Variants in ZNF536 observed in about 807,000 individuals in gnomAD.
ZNF536 encodes the protein zinc finger protein 536.
Under a neutral mutation model 84.5 loss-of-function variants are expected in ZNF536, and 13 were observed. The observed-to-expected ratio is 0.15, with a 90% CI of 0.10 to 0.24. The LOEUF (loss-of-function observed/expected upper bound fraction) is 0.24. Ranked by LOEUF, ZNF536 falls within the 10% of genes least tolerant of loss-of-function variation. The pLI is 1.00. For synonymous variants in ZNF536, 811 were observed against 742.5 expected (o/e 1.09, Z -1.50); for missense variants, 1,536 against 1,747.5 (o/e 0.88, Z 2.16).
At chr19:30,489,856 T>C (rs1425504106) in intron 2 of ZNF536, among the ~76,000 whole-genome samples, 2 of 152,226 alleles carry the variant, frequency 1.3e-5, no homozygotes, top group South Asian at 2.1e-4. Context: ...CTTTGCTGAA[T>C]AGAATGTGAA....
chr19:30,712,404 T>C lies in ZNF536; in HGVS notation c.*1403T>C, dbSNP rs1167045214. On this transcript the variant is annotated 3_prime_UTR_variant, in exon 2 of 2. Transcript: ENST00000592773. ...AGAGAAGTATGAAAGTATTAACTTCTTCTAAAACAAAATCATTCAGACTTA... is the reference window on the plus strand; with the variant it reads ...AGAGAAGTATGAAAGTATTAACTTCCTCTAAAACAAAATCATTCAGACTTA... The C allele has an allele frequency of 2.0e-5, 3 of 151,546 alleles. No individual in the cohort carries two copies. In the East Asian group the frequency reaches 5.8e-4, roughly 29 times the overall value. 9.4% of individuals were successfully genotyped at this position (151,546 alleles called of 1,614,324 possible).
chr19:30,413,924 T>C (rs1232372161), intron 1 of ZNF536, among the ~76,000 whole-genome samples: 1 of 151,868 alleles, frequency 6.6e-6, no homozygotes, highest in Non-Finnish European at 1.5e-5. Flanking sequence ...ACCCCCTGTC[T>C]CTACTAAAAA....
chr19:30,487,008 AC>A (rs2054327180), intron 2 of ZNF536, among the ~76,000 whole-genome samples: 1 of 152,214 alleles, frequency 6.6e-6, no homozygotes, highest in Admixed American at 6.5e-5. Context: ...TTGAATGATA[AC>A]AAATATTAAA....
chr19:30,566,243 C>G (rs778316250), intron 1 of ZNF536, among the ~76,000 whole-genome samples: 1 of 152,132 alleles, frequency 6.6e-6, no homozygotes, highest in Non-Finnish European at 1.5e-5. Flanking sequence ...CGTTCAAAAA[C>G]CAGCCGTGTG....
chr19:30,481,573 T>A (rs1316238384), intron 2 of ZNF536, among the ~76,000 whole-genome samples: 2 of 152,262 alleles, frequency 1.3e-5, no homozygotes, highest in Non-Finnish European at 2.9e-5. Context: ...ATTGAGTTTT[T>A]AAAAAATGCC....
At chr19:30,635,594 A>T (rs2049037338) in intron 1 of ZNF536, among the ~76,000 whole-genome samples, 1 of 152,122 alleles carries the variant, frequency 6.6e-6, no homozygotes, top group Admixed American at 6.5e-5. Flanking sequence ...TAAGTGCAGA[A>T]GGTTCTCTGG....
chr19:30,590,247 A>G (rs1013030423), intron 1 of ZNF536, among the ~76,000 whole-genome samples: 2 of 152,154 alleles, frequency 1.3e-5, no homozygotes, highest in Non-Finnish European at 2.9e-5. Flanking sequence ...TCAATGTTGG[A>G]CATGGAATTG....
At chr19:30,526,082 A>G in intron 2 of ZNF536, among the ~76,000 whole-genome samples, 1 of 152,166 alleles carries the variant, frequency 6.6e-6, no homozygotes, top group East Asian at 1.9e-4. Flanking sequence ...CTGCTCAGCG[A>G]CACGAATGGT....
At chr19:30,636,124 G>A (rs1477403414) in intron 1 of ZNF536, among the ~76,000 whole-genome samples, 1 of 152,196 alleles carries the variant, frequency 6.6e-6, no homozygotes, top group Non-Finnish European at 1.5e-5. Flanking sequence ...CCCGGGTGTG[G>A]CGTGTCATCC....
chr19:30,691,845 G>C (rs1206925783), intron 1 of ZNF536, among the ~76,000 whole-genome samples: 1 of 152,220 alleles, frequency 6.6e-6, no homozygotes, highest in African/African-American at 2.4e-5. Flanking sequence ...ATTAAAAGTG[G>C]ACAAATGAAA....
chr19:30,225,984 C>T (rs1296862211), upstream of ZNF536, among the ~76,000 whole-genome samples: 1 of 151,960 alleles, frequency 6.6e-6, no homozygotes, highest in South Asian at 2.1e-4. Flanking sequence ...CCGGCGGCTG[C>T]GGCCGGGCAT....
At chr19:30,319,146 G>A (rs1301967518) in intron 2 of ZNF536, among the ~76,000 whole-genome samples, 3 of 152,200 alleles carry the variant, frequency 2.0e-5, no homozygotes. Flanking sequence ...GGCCACAAGT[G>A]TATTCTGGGA....
chr19:30,455,087 G>A (rs940807939), intron 2 of ZNF536, among the ~76,000 whole-genome samples: 3 of 151,966 alleles, frequency 2.0e-5, no homozygotes, highest in Admixed American at 6.6e-5. Context: ...ACTTGGTCTC[G>A]TCCACGAGTC....
rs549443914 is a variant in ZNF536 at position 30,686,952 on chromosome 19, A to T, written c.170-23805A>T. ...CTGTGTCTTTTGATTAATGGAACTTATTTGGAGTAGCCTATCCGATCCCTC... is the reference window on the plus strand; with the variant it reads ...CTGTGTCTTTTGATTAATGGAACTTTTTTGGAGTAGCCTATCCGATCCCTC... On this transcript the variant is annotated intron_variant, in intron 1 of 1. Transcript: ENST00000592773. Among the ~76,000 whole-genome samples, 28 of 152,330 alleles carry T rather than the reference A, an allele frequency of 1.8e-4. No individual in the cohort carries two copies. In the South Asian group the frequency reaches 5.0e-3, roughly 27 times the overall value.
rs183518186 is a variant in ZNF536 at position 30,252,370 on chromosome 19, C to A, written c.-190+23697C>A. On this transcript the variant is annotated intron_variant, in intron 1 of 5. Coordinates refer to the ZNF536 transcript ENST00000585628. ...GCCCTGGCTGGCTGTGGCTGGGGAC[C>A]GCACTCCTAGTCTCCCCAGGGGGAT... Among the ~76,000 whole-genome samples, 5 of 152,258 alleles carry A rather than the reference C, an allele frequency of 3.3e-5. No homozygotes were observed. The East Asian group carries it at 7.7e-4, about 24-fold the overall frequency.
intron 2 of ZNF536, among the ~76,000 whole-genome samples, chr19:30,488,351 C>T (rs2054375637): frequency 6.6e-6 from 1 of 152,098 alleles, no homozygotes; most frequent in Non-Finnish European, 1.5e-5. Context: ...CTCCTCTAAG[C>T]CTGGCTTCGG....
chr19:30,692,832 C>T (rs1425731705), intron 1 of ZNF536, among the ~76,000 whole-genome samples: 2 of 152,210 alleles, frequency 1.3e-5, no homozygotes, highest in Non-Finnish European at 2.9e-5. Context: ...CCTTCTGCTC[C>T]CTGTGGCATT....
chr19:30,703,231 GAA>G (rs2052069380), intron 1 of ZNF536, among the ~76,000 whole-genome samples: 1 of 152,194 alleles, frequency 6.6e-6, no homozygotes, highest in Non-Finnish European at 1.5e-5. Context: ...AGAACAGAGA[GAA>G]GTCTCCTGTG....
At chr19:30,583,218 G>C (rs141590554) in intron 1 of ZNF536, among the ~76,000 whole-genome samples, 2,984 of 152,316 alleles carry the variant, frequency 0.02, 36 homozygotes, top group Middle Eastern at 0.031. Flanking sequence ...TGGTCTCTGA[G>C]TGGTATTTCT....
Sources: allele counts gnomAD v4.1 joint callset (sites outside exome capture counted in the v4.1 genomes callset), GRCh38; gene constraint gnomAD v4.1.1; transcripts MANE v1.5; gene names NCBI Gene and HGNC (gene_info 2026-07-23, HGNC 2026-07-21).